STK40: variants seen among roughly 807,000 people sequenced by gnomAD.
The protein encoded by STK40 is serine/threonine-protein kinase 40.
STK40 carries 13 observed loss-of-function variants against 47.9 expected under a neutral mutation model. That is an observed-to-expected ratio of 0.27 (90% confidence interval 0.18 to 0.43). The LOEUF (loss-of-function observed/expected upper bound fraction) is 0.43. Ranked by LOEUF, STK40 falls within the 20% of genes least tolerant of loss-of-function variation. The probability of loss-of-function intolerance (pLI) is 1.00; values close to 1 mark genes in which losing one functional copy is unlikely to be tolerated. For synonymous variants in STK40, 225 were observed against 243.2 expected, an observed-to-expected ratio of 0.93 and a Z score of 0.69; for missense variants, 460 against 595.1, an observed-to-expected ratio of 0.77 and a Z score of 2.36.
chr1:36,382,477 C>T (rs1647048092), intron 1 of STK40, among the ~76,000 whole-genome samples: 3 of 152,166 alleles, frequency 2.0e-5, no homozygotes, highest in South Asian at 2.1e-4. Context: ...CCGCGCCTGG[C>T]CAACCCATGT....
chr1:36,341,653 G>A lies in STK40; in HGVS notation c.*102C>T. 2 of 1,420,958 alleles carry A rather than the reference G, an allele frequency of 1.4e-6. No individual in the cohort carries two copies. The highest frequency in any genetic ancestry group is 2.3e-5 in the East Asian group (1 of 42,970). The allele number at this position is 1,420,958 out of a possible 1,614,324, so 88.0% of individuals were successfully genotyped here. Reference sequence around the variant, plus strand: ...CCTGTCCCTGCCCTGTCCCTATTGTGGCCCGGGAGAGTCCAGCACTACAGG... The same window carrying A: ...CCTGTCCCTGCCCTGTCCCTATTGTAGCCCGGGAGAGTCCAGCACTACAGG... On this transcript the variant is annotated 3_prime_UTR_variant, in exon 11 of 11. Transcript: ENST00000373132.
intron 5 of STK40, 63 bp downstream of exon 5, chr1:36,355,143 C>T (rs1384759238): frequency 1.9e-6 from 3 of 1,544,620 alleles, no homozygotes; most frequent in Non-Finnish European, 2.7e-6. Flanking sequence ...GCCTTCTGCT[C>T]AGCAGCAGCA....
chr1:36,359,782 C>T lies in STK40; in HGVS notation c.113-960G>A, dbSNP rs114301472. On this transcript the variant is annotated intron_variant, in intron 2 of 10. Transcript: ENST00000373132. ...CCAAGGCCTTGCATGATTCAGTTCCCGCCCACCTTTCTAACAGGATGTTCC... is the reference window on the plus strand; with the variant it reads ...CCAAGGCCTTGCATGATTCAGTTCCTGCCCACCTTTCTAACAGGATGTTCC... 6.8e-3 allele frequency among the ~76,000 whole-genome samples: 1,041 copies of T among 152,342 alleles called. 15 individuals are homozygous for T. The highest frequency in any genetic ancestry group is 0.024 in the African/African-American group (992 of 41,576).
In STK40 at chr1:36,341,527, T is replaced by C. The variant is rs1043969391; in HGVS notation, c.*228A>G. 7 of 576,968 alleles carry C rather than the reference T, an allele frequency of 1.2e-5. No individual in the cohort carries two copies. The highest frequency in any genetic ancestry group is 2.2e-5 in the Non-Finnish European group (7 of 322,878). 35.7% of individuals were successfully genotyped at this position (576,968 alleles called of 1,614,324 possible). On this transcript the variant is annotated 3_prime_UTR_variant, in exon 11 of 11. Transcript: ENST00000373132. Reference sequence around the variant, plus strand: ...AACATCGTGATTAAAAGCAGATTAGTTATCTAGGCTTCTCAGATTTAAAAA... The same window carrying C: ...AACATCGTGATTAAAAGCAGATTAGCTATCTAGGCTTCTCAGATTTAAAAA...
At position 36,372,216 on chromosome 1, in the gene STK40, G is replaced by A. The variant is rs1307479919; in HGVS notation, c.-8-10876C>T. Among the ~76,000 whole-genome samples, 4 of 151,952 alleles carry A rather than the reference G, an allele frequency of 2.6e-5. No individual in the cohort carries two copies. The East Asian group carries it at 7.8e-4, about 30-fold the overall frequency. On this transcript the variant is annotated intron_variant, in intron 1 of 10. Transcript: ENST00000373132. ...AAAGAAATTGAGCCCGGGCACGGTGGCTCATGCCTGTTACCCCAGCATTTT... is the reference window on the plus strand; with the variant it reads ...AAAGAAATTGAGCCCGGGCACGGTGACTCATGCCTGTTACCCCAGCATTTT...
In STK40 at chr1:36,339,687, T is replaced by C. The variant is rs1331270604; in HGVS notation, c.*2068A>G. ...GAAGAGTCCCCATGTAGTACAAAAA[T>C]ATGTCTTTATACAAACTTTTTTGTG... On this transcript the variant is annotated 3_prime_UTR_variant, in exon 11 of 11. Coordinates refer to ENST00000373132, the MANE Select transcript of STK40 (RefSeq NM_001282547.2). 1 of 152,696 alleles carries C rather than the reference T, an allele frequency of 6.5e-6. No individual in the cohort carries two copies. The highest frequency in any genetic ancestry group is 2.4e-5 in the African/African-American group (1 of 41,458). 9.5% of individuals were successfully genotyped at this position (152,696 alleles called of 1,614,324 possible).
chr1:36,343,990 G>C lies in STK40; in HGVS notation c.885-11C>G. The C allele has an allele frequency of 6.2e-7, 1 of 1,600,182 alleles. No individual in the cohort carries two copies. The highest frequency in any genetic ancestry group is 8.5e-7 in the Non-Finnish European group (1 of 1,170,018). On this transcript the variant is annotated splice_polypyrimidine_tract_variant and intron_variant, in intron 8 of 10. Transcript: ENST00000373132. ...GAAACCCGTCCATCCCTGAGGCAGG[G>C]AGTTGGGGAGGAGGGCTCAGTGGGT... is the stretch of plus-strand genomic sequence containing the variant.
At chr1:36,382,588 G>A (rs2124755627) in intron 1 of STK40, among the ~76,000 whole-genome samples, 1 of 152,278 alleles carries the variant, frequency 6.6e-6, no homozygotes, top group Admixed American at 6.5e-5. Flanking sequence ...CTCCCATACA[G>A]ACTGGGTAAA....
At chr1:36,347,650 T>C (rs187455296) in intron 7 of STK40, among the ~76,000 whole-genome samples, 9 of 151,870 alleles carry the variant, frequency 5.9e-5, no homozygotes, top group Admixed American at 5.9e-4. Flanking sequence ...TATGAGTTTT[T>C]TTTTTTCTTT....
At chr1:36,378,652 T>C (rs1377238453) in intron 1 of STK40, among the ~76,000 whole-genome samples, 4 of 152,156 alleles carry the variant, frequency 2.6e-5, no homozygotes, top group Admixed American at 6.5e-5. Flanking sequence ...AGAGATGTGG[T>C]TTCACCATGT....
intron 6 of STK40, among the ~76,000 whole-genome samples, chr1:36,353,261 G>A (rs1646775465): frequency 6.6e-6 from 1 of 152,202 alleles, no homozygotes; most frequent in Non-Finnish European, 1.5e-5. Context: ...GCGGAGTGGG[G>A]GAGATGTGCC....
intron 7 of STK40, among the ~76,000 whole-genome samples, chr1:36,347,434 C>T (rs1646713575): frequency 6.6e-6 from 1 of 152,154 alleles, no homozygotes; most frequent in Non-Finnish European, 1.5e-5. Context: ...CCTGGGGCTG[C>T]GCCTCCATTT....
intron 1 of STK40, among the ~76,000 whole-genome samples, chr1:36,374,171 T>A (rs920768808): frequency 6.6e-6 from 1 of 152,240 alleles, no homozygotes; most frequent in Non-Finnish European, 1.5e-5. Flanking sequence ...GCAAGGTTCA[T>A]GAGTTAGCCC....
chr1:36,367,006 T>C (rs1646908357), intron 1 of STK40, among the ~76,000 whole-genome samples: 1 of 151,048 alleles, frequency 6.6e-6, no homozygotes, highest in South Asian at 2.1e-4. Flanking sequence ...AGCTAATTTT[T>C]TTTTTTTTTT....
At chr1:36,358,935 G>A (rs937861165) in intron 2 of STK40, 113 bp from the exon 3 acceptor site, 7 of 1,193,986 alleles carry the variant, frequency 5.9e-6, no homozygotes, top group Non-Finnish European at 8.5e-6. Context: ...CATAGCTCAT[G>A]TGTACTGGAC....
At chr1:36,360,532 T>G (rs1646842543) in intron 2 of STK40, among the ~76,000 whole-genome samples, 1 of 151,766 alleles carries the variant, frequency 6.6e-6, no homozygotes, top group South Asian at 2.1e-4. Flanking sequence ...TTTATTTTAT[T>G]TTATTTTATT....
At chr1:36,357,745 T>C (rs1646817338) in intron 4 of STK40, among the ~76,000 whole-genome samples, 1 of 152,094 alleles carries the variant, frequency 6.6e-6, no homozygotes, top group South Asian at 2.1e-4. Flanking sequence ...GCCTCCCGAG[T>C]AGCTGGGACT....
At chr1:36,366,021 G>A (rs796487384) in intron 1 of STK40, 9 of 152,348 alleles carry the variant, frequency 5.9e-5, no homozygotes, top group African/African-American at 2.2e-4. Context: ...CCCTGGGCCT[G>A]TCCTGCGCTG....
At chr1:36,378,723 T>G (rs1216257581) in intron 1 of STK40, among the ~76,000 whole-genome samples, 3 of 152,128 alleles carry the variant, frequency 2.0e-5, no homozygotes, top group African/African-American at 7.2e-5. Flanking sequence ...TCCCGAAGTG[T>G]TGAGATTACA....
Sources: allele counts gnomAD v4.1 joint callset (sites outside exome capture counted in the v4.1 genomes callset), GRCh38; gene constraint gnomAD v4.1.1; transcripts MANE v1.5; gene names NCBI Gene and HGNC (gene_info 2026-07-23, HGNC 2026-07-21).